Variants in TRIM5 observed in about 807,000 individuals in gnomAD.
The protein encoded by TRIM5 is tripartite motif containing 5, also known as tripartite motif-containing protein 5.
TRIM5 carries 31 observed loss-of-function variants against 35.6 expected under a neutral mutation model. The observed-to-expected ratio is 0.87, with a 90% CI of 0.65 to 1.18. The LOEUF (loss-of-function observed/expected upper bound fraction) is 1.18, where lower values mean the gene tolerates loss of function less well. TRIM5 is among the 50% of genes most tolerant of loss of function. The pLI, the probability that TRIM5 is intolerant of heterozygous loss-of-function variation, is 0.00. For synonymous variants in TRIM5, 243 were observed against 215.6 expected, an observed-to-expected ratio of 1.13 and a Z score of -1.11; for missense variants, 609 against 591.6, an observed-to-expected ratio of 1.03 and a Z score of -0.31.
chr11:5,666,395 A>T (rs936627241), intron 5 of TRIM5: 8 of 267,802 alleles, frequency 3.0e-5, no homozygotes, highest in African/African-American at 4.5e-5. Flanking sequence ...AAAAAAAAGG[A>T]TTTTAAAACA....
At chr11:5,684,608 C>T (rs1344638103) in intron 1 of TRIM5, among the ~76,000 whole-genome samples, 1 of 152,142 alleles carries the variant, frequency 6.6e-6, no homozygotes, top group Non-Finnish European at 1.5e-5. Context: ...TGGGAGAAGA[C>T]ACTGAAAGAG....
chr11:5,655,277 A>G, the TRIM5 span, among the ~76,000 whole-genome samples: 135 of 152,122 alleles, frequency 8.9e-4, 2 homozygotes, highest in Middle Eastern at 0.01. Flanking sequence ...ACAATATTCA[A>G]TGATAGTAGT....
At chr11:5,608,882 A>C in the TRIM5 span, among the ~76,000 whole-genome samples, 1 of 116,134 alleles carries the variant, frequency 8.6e-6, no homozygotes, top group East Asian at 2.5e-4. Context: ...ACAGAGTTTC[A>C]CTCTGTCGCC....
chr11:5,595,857 A>G, the TRIM5 span, among the ~76,000 whole-genome samples: 11 of 151,376 alleles, frequency 7.3e-5, no homozygotes, highest in Admixed American at 5.3e-4. Context: ...TAATTTCTGT[A>G]TTTTTAGTAG....
the TRIM5 span, among the ~76,000 whole-genome samples, chr11:5,615,617 G>A: frequency 2.4e-4 from 35 of 147,810 alleles, no homozygotes; most frequent in African/African-American, 7.9e-4. Flanking sequence ...TGTTTGAGAT[G>A]GAGTCTCGTT....
the TRIM5 span, among the ~76,000 whole-genome samples, chr11:5,591,978 C>A: frequency 6.6e-6 from 1 of 152,142 alleles, no homozygotes; most frequent in African/African-American, 2.4e-5. Context: ...GTTATAACAT[C>A]TTGTTTTTGT....
At chr11:5,668,551 G>A (rs1851321966) in intron 4 of TRIM5, among the ~76,000 whole-genome samples, 1 of 152,074 alleles carries the variant, frequency 6.6e-6, no homozygotes, top group South Asian at 2.1e-4. Flanking sequence ...CCGGGTTCAA[G>A]CCATTCTCCT....
At chr11:5,649,071 T>C in the TRIM5 span, among the ~76,000 whole-genome samples, 2 of 152,226 alleles carry the variant, frequency 1.3e-5, no homozygotes, top group African/African-American at 4.8e-5. Flanking sequence ...AAGATCAACA[T>C]ACACATATCT....
the TRIM5 span, among the ~76,000 whole-genome samples, chr11:5,635,287 G>T: frequency 1.5e-5 from 2 of 137,874 alleles, no homozygotes; most frequent in African/African-American, 5.6e-5. Flanking sequence ...ACGGAGTCTC[G>T]CTCTGTCTCC....
chr11:5,596,926 G>T, the TRIM5 span: 3 of 1,614,042 alleles, frequency 1.9e-6, no homozygotes, highest in Admixed American at 3.3e-5. Context: ...TATGTCTACC[G>T]TTCTGTTGAC....
the TRIM5 span, among the ~76,000 whole-genome samples, chr11:5,613,793 T>C: frequency 1.7e-4 from 26 of 152,216 alleles, 1 homozygote; most frequent in Admixed American, 6.6e-5. Context: ...GTTATCCTAA[T>C]ATTTCCCAAA....
chr11:5,596,992 C>T, the TRIM5 span: 6 of 1,607,350 alleles, frequency 3.7e-6, no homozygotes, highest in Non-Finnish European at 5.1e-6. Flanking sequence ...AGATAAGGTC[C>T]TTTCCCTTTC....
the TRIM5 span, among the ~76,000 whole-genome samples, chr11:5,592,779 C>A: frequency 6.6e-6 from 1 of 151,162 alleles, no homozygotes; most frequent in African/African-American, 2.4e-5. Context: ...TTACCCGGCA[C>A]GGTGGTGTAT....
chr11:5,603,916 A>G, the TRIM5 span, among the ~76,000 whole-genome samples: 6 of 152,016 alleles, frequency 3.9e-5, no homozygotes, highest in Non-Finnish European at 7.4e-5. Flanking sequence ...GATTGAGTAG[A>G]TAGAGCTGCT....
the TRIM5 span, among the ~76,000 whole-genome samples, chr11:5,657,528 ATATT>A: frequency 7.5e-5 from 10 of 132,514 alleles, no homozygotes; most frequent in African/African-American, 2.6e-4. Flanking sequence ...TGCATTATAT[ATATT>A]ATTTATATAT....
the TRIM5 span, among the ~76,000 whole-genome samples, chr11:5,618,056 A>C: frequency 2.6e-5 from 4 of 152,218 alleles, no homozygotes; most frequent in Non-Finnish European, 5.9e-5. Flanking sequence ...CTTTATTGGA[A>C]TATCACCATG....
the TRIM5 span, among the ~76,000 whole-genome samples, chr11:5,653,261 G>A: frequency 6.6e-6 from 1 of 152,068 alleles, no homozygotes. Flanking sequence ...TGTTGTGAAT[G>A]GGATTGCATT....
the TRIM5 span, chr11:5,612,851 C>CAAA: frequency 6.6e-6 from 1 of 152,138 alleles, no homozygotes; most frequent in African/African-American, 2.4e-5. Flanking sequence ...ATACCTACTT[C>CAAA]AAAAAATAAT....
chr11:5,617,558 G>A, the TRIM5 span, among the ~76,000 whole-genome samples: 125 of 137,024 alleles, frequency 9.1e-4, 18 homozygotes, highest in Admixed American at 2.1e-3. Context: ...GCACGATCTC[G>A]GCTCACTGCA....
Sources: allele counts gnomAD v4.1 joint callset (sites outside exome capture counted in the v4.1 genomes callset), GRCh38; gene constraint gnomAD v4.1.1; transcripts MANE v1.5; gene names NCBI Gene and HGNC (gene_info 2026-07-23, HGNC 2026-07-21).